Variants in DGKI observed in about 807,000 individuals in gnomAD.
The protein encoded by DGKI is DAG kinase iota.
Under a neutral mutation model 147.5 loss-of-function variants are expected in DGKI, and 55 were observed. The observed-to-expected ratio is 0.37, with a 90% CI of 0.30 to 0.47. The LOEUF is 0.47. DGKI is among the 20% of genes least tolerant of loss of function. The pLI is 1.00. For synonymous variants in DGKI, 469 were observed against 477.1 expected (o/e 0.98, Z 0.22); for missense variants, 1,007 against 1,323.8 (o/e 0.76, Z 3.71).
rs3823551 is a variant in DGKI at position 137,707,382 on chromosome 7, C to A, written c.402-17380G>T. On this transcript the variant is annotated intron_variant, in intron 1 of 32. Transcript: ENST00000614521. ...TCTTGGACTGATGGTAGCTTTAGTGCGCTCCATTGACCCACACAGCTCTCC... is the reference window on the plus strand; with the variant it reads ...TCTTGGACTGATGGTAGCTTTAGTGAGCTCCATTGACCCACACAGCTCTCC... Among the ~76,000 whole-genome samples, 675 of 152,318 alleles carry A rather than the reference C, an allele frequency of 4.4e-3. 21 individuals carry two copies. In the East Asian group the frequency reaches 0.05, roughly 11 times the overall value.
intron 1 of DGKI, among the ~76,000 whole-genome samples, chr7:137,840,987 T>C (rs564586591): frequency 6.6e-6 from 1 of 152,376 alleles, no homozygotes; most frequent in Admixed American, 6.5e-5. Flanking sequence ...AAGTAACTCA[T>C]TTAATCTTCC....
At chr7:137,826,826 T>A (rs981130831) in intron 1 of DGKI, among the ~76,000 whole-genome samples, 1 of 152,156 alleles carries the variant, frequency 6.6e-6, no homozygotes, top group Non-Finnish European at 1.5e-5. Context: ...TGTATAGAAC[T>A]TAGGACAATG....
chr7:137,846,642 C>T lies in DGKI; in HGVS notation c.221G>A (p.Ser74Asn), dbSNP rs989318766. The T allele has an allele frequency of 8.4e-6, 9 of 1,066,934 alleles. No individual in the cohort carries two copies. In the African/African-American group the frequency reaches 1.2e-4, roughly 14 times the overall value. 66.1% of individuals were successfully genotyped at this position (1,066,934 alleles called of 1,614,324 possible). Residue 74 changes from serine to asparagine, a missense_variant, in exon 1 of 33, where the codon AGC (serine) becomes AAC (asparagine). Ser to Asn is a conservative substitution (Grantham distance 46). Transcript: ENST00000614521. This position sits in a 1 kb window ranked among gnomAD's most constrained non-coding sequence, Gnocchi z 4.0. ...GCCCAGGCAGCAGCTCCCGGCGCCG[C>T]TTCCGCTGCTGCTGCTGCCGCCCGT... ...GATGGSSSSGSGAGSCCLGAE... is the reference protein window; with the variant it reads ...GATGGSSSSGNGAGSCCLGAE...
At chr7:137,605,370 TAAAATA>T (rs1820147249) in intron 10 of DGKI, among the ~76,000 whole-genome samples, 1 of 145,368 alleles carries the variant, frequency 6.9e-6, no homozygotes, top group Non-Finnish European at 1.5e-5. Context: ...TAAAATAAAA[TAAAATA>T]AAAAAAGTTG....
chr7:137,650,613 AG>A (rs903332274), intron 5 of DGKI, among the ~76,000 whole-genome samples: 4 of 152,186 alleles, frequency 2.6e-5, no homozygotes, highest in Non-Finnish European at 5.9e-5. Flanking sequence ...AAGAGACCAC[AG>A]AAAGCTCTCT....
chr7:137,477,326 C>A (rs2128931847), intron 23 of DGKI, among the ~76,000 whole-genome samples: 1 of 152,266 alleles, frequency 6.6e-6, no homozygotes, highest in South Asian at 2.1e-4. Flanking sequence ...CATTATGTAA[C>A]TTATAATCTT....
intron 27 of DGKI, among the ~76,000 whole-genome samples, chr7:137,448,208 A>G (rs1181487495): frequency 6.6e-6 from 1 of 151,774 alleles, no homozygotes; most frequent in African/African-American, 2.4e-5. Context: ...GGATGCTGAT[A>G]AGCAAAAGTT....
intron 8 of DGKI, among the ~76,000 whole-genome samples, chr7:137,610,561 C>T (rs1027461126): frequency 2.6e-5 from 4 of 152,062 alleles, no homozygotes; most frequent in African/African-American, 9.7e-5. Context: ...CTTTAAAAGG[C>T]AAGATATTAC....
Position 137,621,308 on chromosome 7 carries a change from C to T in DGKI, c.877-1368G>A, listed in dbSNP as rs193292205. 9.6e-4 allele frequency among the ~76,000 whole-genome samples: 146 copies of T among 152,208 alleles called. 1 individual carries two copies. The highest frequency in any genetic ancestry group is 8.8e-5 in the Non-Finnish European group (6 of 68,008). On this transcript the variant is annotated intron_variant, in intron 7 of 32. Coordinates refer to ENST00000614521, the MANE Select transcript of DGKI (RefSeq NM_001321708.2). The stretch of plus-strand genomic sequence containing the variant: ...TTCAAATAAACCCTCAAATGTATGA[C>T]CACTGCATTTCTAAAACATTAGGGA...
chr7:137,678,678 T>A (rs1391564824), intron 2 of DGKI, 26 bp from the exon 3 acceptor site: 23 of 1,603,768 alleles, frequency 1.4e-5, no homozygotes, highest in Non-Finnish European at 1.5e-5. Context: ...CCACCTGACA[T>A]CAATTTTTTT....
intron 28 of DGKI, among the ~76,000 whole-genome samples, chr7:137,420,481 G>A (rs1812522954): frequency 6.6e-6 from 1 of 152,106 alleles, no homozygotes; most frequent in African/African-American, 2.4e-5. Context: ...TGGGAAAGGG[G>A]TATAATCAAC....
intron 1 of DGKI, among the ~76,000 whole-genome samples, chr7:137,692,972 G>A (rs1042251027): frequency 6.6e-6 from 1 of 152,144 alleles, no homozygotes; most frequent in Non-Finnish European, 1.5e-5. Flanking sequence ...CAGGGTGTAC[G>A]AAATAACTTC....
intron 24 of DGKI, among the ~76,000 whole-genome samples, chr7:137,468,597 A>G (rs1242983349): frequency 2.6e-5 from 4 of 152,218 alleles, no homozygotes; most frequent in African/African-American, 7.2e-5. Context: ...GCCCATCTTC[A>G]TAACACTAGA....
At chr7:137,661,638 C>G (rs1232469898) in intron 3 of DGKI, among the ~76,000 whole-genome samples, 2 of 152,016 alleles carry the variant, frequency 1.3e-5, no homozygotes, top group Non-Finnish European at 2.9e-5. Context: ...GACTAGAAAC[C>G]GAGGGAAGGC....
intron 1 of DGKI, among the ~76,000 whole-genome samples, chr7:137,783,861 TG>T (rs1796591153): frequency 6.6e-6 from 1 of 152,260 alleles, no homozygotes; most frequent in African/African-American, 2.4e-5. Context: ...CCAAGAATTT[TG>T]TATCCAGTGA....
chr7:137,452,345 C>T (rs377758358), intron 27 of DGKI, among the ~76,000 whole-genome samples: 9 of 152,178 alleles, frequency 5.9e-5, no homozygotes, highest in African/African-American at 2.2e-4. Flanking sequence ...ATCCAATTCA[C>T]GGGCCTGACT....
intron 20 of DGKI, 40 bp from the exon 21 acceptor site, chr7:137,522,006 A>G (rs1440726288): frequency 1.3e-6 from 2 of 1,493,968 alleles, no homozygotes; most frequent in African/African-American, 1.4e-5. Flanking sequence ...CAAATGAGAG[A>G]GCGGAATTGG....
intron 21 of DGKI, among the ~76,000 whole-genome samples, chr7:137,510,865 G>C (rs1194665918): frequency 1.3e-5 from 2 of 152,184 alleles, no homozygotes; most frequent in East Asian, 1.9e-4. Flanking sequence ...ATTATACATG[G>C]ACAGCTTCTA....
chr7:137,728,639 A>C (rs1459459719), intron 1 of DGKI, among the ~76,000 whole-genome samples: 1 of 152,122 alleles, frequency 6.6e-6, no homozygotes, highest in Non-Finnish European at 1.5e-5. Flanking sequence ...AAACCTAACT[A>C]TCCTCAGGCC....
Sources: gnomAD v4.1 joint callset for allele counts (sites outside exome capture counted in the v4.1 genomes callset) on GRCh38, gnomAD v4.1.1 for gene constraint, Gnocchi (gnomAD v3.1) non-coding constraint, MANE v1.5 for transcripts, NCBI Gene and HGNC (gene_info 2026-07-23, HGNC 2026-07-21) for gene names.